Variants in FAM135B observed in about 807,000 individuals in gnomAD.
FAM135B encodes the protein protein FAM135B.
In FAM135B, 43 loss-of-function variants were observed where a neutral mutation model predicts 127.7. That is an observed-to-expected ratio of 0.34 (90% confidence interval 0.26 to 0.43). FAM135B has a LOEUF of 0.43. FAM135B is among the 20% of genes least tolerant of loss of function. The pLI is 1.00. For synonymous variants in FAM135B, 670 were observed against 665.1 expected (o/e 1.01, Z -0.11); for missense variants, 1,558 against 1,725.6 (o/e 0.90, Z 1.72).
intron 12 of FAM135B, among the ~76,000 whole-genome samples, chr8:138,167,652 C>A (rs74400766): frequency 1.3e-4 from 20 of 152,268 alleles, no homozygotes; most frequent in Admixed American, 3.9e-4. Context: ...TGAAGCACTA[C>A]GTATAATTCC....
At chr8:138,439,039 T>A (rs1341580116) in intron 1 of FAM135B, 1 of 152,118 alleles carries the variant, frequency 6.6e-6, no homozygotes, top group Non-Finnish European at 1.5e-5. Context: ...ACTCAGGACA[T>A]CTCTCACCAG....
At chr8:138,344,042 G>T (rs1829234077) in intron 2 of FAM135B, among the ~76,000 whole-genome samples, 1 of 152,220 alleles carries the variant, frequency 6.6e-6, no homozygotes, top group South Asian at 2.1e-4. Context: ...GGATGAGGAG[G>T]GAGGCAGACG....
chr8:138,465,643 G>A (rs1837343087), intron 1 of FAM135B, among the ~76,000 whole-genome samples: 3 of 152,162 alleles, frequency 2.0e-5, no homozygotes, highest in Admixed American at 1.3e-4. Flanking sequence ...CAGAACTCCA[G>A]GAGCCCAGCC....
At chr8:138,245,200 C>T (rs1821182612) in intron 6 of FAM135B, among the ~76,000 whole-genome samples, 1 of 152,204 alleles carries the variant, frequency 6.6e-6, no homozygotes, top group Non-Finnish European at 1.5e-5. Context: ...TTGCAAAAGA[C>T]TCTTTCTGTC....
chr8:138,451,061 C>T (rs1836454671), intron 1 of FAM135B, among the ~76,000 whole-genome samples: 1 of 152,158 alleles, frequency 6.6e-6, no homozygotes, highest in Non-Finnish European at 1.5e-5. Context: ...GCTGTCTGGA[C>T]CAAGACATTC....
intron 2 of FAM135B, among the ~76,000 whole-genome samples, chr8:138,359,639 A>G (rs1830292716): frequency 6.6e-6 from 1 of 152,228 alleles, no homozygotes; most frequent in Non-Finnish European, 1.5e-5. Context: ...GGATCTCAAC[A>G]TATTTTAATA....
chr8:138,191,216 A>G (rs546402461), intron 9 of FAM135B, among the ~76,000 whole-genome samples: 1 of 152,284 alleles, frequency 6.6e-6, no homozygotes, highest in South Asian at 2.1e-4. Flanking sequence ...ACCCCACTTC[A>G]TTCTCCTATG....
At chr8:138,386,594 A>G (rs946183971) in intron 1 of FAM135B, among the ~76,000 whole-genome samples, 16 of 152,240 alleles carry the variant, frequency 1.1e-4, no homozygotes, top group Non-Finnish European at 1.2e-4. Context: ...TTGAAGTAGT[A>G]CACTTTATTA....
intron 9 of FAM135B, among the ~76,000 whole-genome samples, chr8:138,187,582 GGCC>G (rs2131052335): frequency 6.6e-6 from 1 of 152,184 alleles, no homozygotes; most frequent in East Asian, 1.9e-4. Context: ...GGTCTTTAGG[GGCC>G]AAGAGCCTCT....
chr8:138,442,236 CCATATATATATATATA>C (rs1232081202), intron 1 of FAM135B, among the ~76,000 whole-genome samples: 6 of 13,130 alleles, frequency 4.6e-4, no homozygotes, highest in Non-Finnish European at 6.2e-4. Context: ...AATATGGACA[CCATATATATATATATA>C]TATATATATA....
chr8:138,360,345 T>C (rs939217537), intron 2 of FAM135B, among the ~76,000 whole-genome samples: 1 of 152,210 alleles, frequency 6.6e-6, no homozygotes, highest in African/African-American at 2.4e-5. Context: ...TTATAATTAA[T>C]TGTTCACTTA....
chr8:138,343,334 C>T (rs950427898), intron 2 of FAM135B, among the ~76,000 whole-genome samples: 1 of 152,186 alleles, frequency 6.6e-6, no homozygotes, highest in African/African-American at 2.4e-5. Flanking sequence ...CTATAGCTGT[C>T]AAGAACAGCC....
At chr8:138,292,316 T>A (rs1257715847) in intron 3 of FAM135B, among the ~76,000 whole-genome samples, 1 of 152,128 alleles carries the variant, frequency 6.6e-6, no homozygotes, top group Admixed American at 6.5e-5. Context: ...ATTAAAAGAA[T>A]TAATATTGTT....
chr8:138,489,771 C>T (rs928161040), intron 1 of FAM135B, among the ~76,000 whole-genome samples: 1 of 152,150 alleles, frequency 6.6e-6, no homozygotes. Context: ...ACTCTCTCAA[C>T]CCCTGCTCTC....
intron 1 of FAM135B, among the ~76,000 whole-genome samples, chr8:138,396,235 T>C (rs1832845975): frequency 6.6e-6 from 1 of 152,156 alleles, no homozygotes; most frequent in Non-Finnish European, 1.5e-5. Context: ...ATGTAAGCCC[T>C]GTGCACATCC....
chr8:138,302,358 C>T (rs928096475), intron 3 of FAM135B, among the ~76,000 whole-genome samples: 5 of 152,082 alleles, frequency 3.3e-5, no homozygotes, highest in Admixed American at 3.3e-4. Context: ...GCTTCAGGGG[C>T]CCTCCACTTG....
Position 138,423,087 on chromosome 8 carries a change from G to T in FAM135B, c.-19-55085C>A, listed in dbSNP as rs141354024. Among the ~76,000 whole-genome samples, 616 of 152,222 alleles carry T rather than the reference G, an allele frequency of 4.0e-3. 5 individuals are homozygous for T. Among genetic ancestry groups the T allele is most frequent in the African/African-American group, 0.014 (591 of 41,544 alleles). ...CACTGAGTACACATGTACAATAATAGGGAAACAACAGACACCAGGGCTTAC... is the reference window on the plus strand; with the variant it reads ...CACTGAGTACACATGTACAATAATATGGAAACAACAGACACCAGGGCTTAC... On this transcript the variant is annotated intron_variant, in intron 1 of 19. Coordinates refer to ENST00000395297, the MANE Select transcript of FAM135B (RefSeq NM_015912.4).
rs2130656530 is a variant in FAM135B, at chr8:138,145,956, T to C, written c.3540+3A>G. 3 of 1,522,784 alleles carry C rather than the reference T, an allele frequency of 2.0e-6. No homozygotes were observed. Among genetic ancestry groups the C allele is most frequent in the Non-Finnish European group, 2.7e-6 (3 of 1,097,246 alleles). 94.3% of individuals were successfully genotyped at this position (1,522,784 alleles called of 1,614,324 possible). A position where few individuals can be genotyped will look rare whatever the true frequency, so the allele number is the denominator to read the frequency against. ...TCCAGTTCTGATATTTGTATCATCATACCTGATTCTTTTCAGACATTAGGA... is the reference window on the plus strand; with the variant it reads ...TCCAGTTCTGATATTTGTATCATCACACCTGATTCTTTTCAGACATTAGGA... On this transcript the variant is annotated splice_donor_region_variant and intron_variant, in intron 15 of 19. Coordinates refer to ENST00000395297, the MANE Select transcript of FAM135B (RefSeq NM_015912.4).
At chr8:138,217,021 G>A (rs1057366168) in intron 7 of FAM135B, among the ~76,000 whole-genome samples, 2 of 152,120 alleles carry the variant, frequency 1.3e-5, no homozygotes, top group Admixed American at 6.6e-5. Context: ...GCACATGATA[G>A]TATAATAATA....
Sources: gnomAD v4.1 joint callset for allele counts (sites outside exome capture counted in the v4.1 genomes callset) on GRCh38, gnomAD v4.1.1 for gene constraint, MANE v1.5 for transcripts, NCBI Gene and HGNC (gene_info 2026-07-23, HGNC 2026-07-21) for gene names.